ANKRD28: variants seen among roughly 807,000 people sequenced by gnomAD.
ANKRD28 encodes the protein ankyrin repeat domain 28, also known as serine/threonine-protein phosphatase 6 regulatory ankyrin repeat subunit A.
Under a neutral mutation model 126.5 loss-of-function variants are expected in ANKRD28, and 44 were observed. The ratio of observed to expected loss-of-function variants is 0.35; its 90% CI spans 0.27 to 0.45. The LOEUF (loss-of-function observed/expected upper bound fraction) is 0.45. Ranked by LOEUF, ANKRD28 falls within the 20% of genes least tolerant of loss-of-function variation. The pLI is 1.00. For synonymous variants in ANKRD28, 442 were observed against 468.5 expected, an observed-to-expected ratio of 0.94 and a Z score of 0.73; for missense variants, 1,110 against 1,316.6, an observed-to-expected ratio of 0.84 and a Z score of 2.43.
intron 14 of ANKRD28, among the ~76,000 whole-genome samples, chr3:15,705,817 A>ATGT (rs2071278745): frequency 6.6e-6 from 1 of 152,020 alleles, no homozygotes; most frequent in African/African-American, 2.4e-5. Flanking sequence ...CCTGGCCAAC[A>ATGT]TGGTGAATCT....
In ANKRD28 at chr3:15,833,268, A is replaced by T. The variant is rs2061244378; in HGVS notation, c.27+26109T>A. On this transcript the variant is annotated intron_variant, in intron 1 of 27. Coordinates refer to the ANKRD28 transcript ENST00000399451. The surrounding 1 kb of genome is among the most constrained non-coding windows in gnomAD (Gnocchi z 4.4). ...AGCTGTCAGCACAGCTGGAATATGA[A>T]GTAGGCAGAAAAACGTGAAAAGACT... is the stretch of plus-strand genomic sequence containing the variant. Among the ~76,000 whole-genome samples, 1 of 152,126 alleles carries T rather than the reference A, an allele frequency of 6.6e-6. No homozygotes were observed. The highest frequency in any genetic ancestry group is 1.5e-5 in the Non-Finnish European group (1 of 68,018).
At chr3:15,686,616 C>A (rs1359290204) in intron 18 of ANKRD28, among the ~76,000 whole-genome samples, 1 of 152,148 alleles carries the variant, frequency 6.6e-6, no homozygotes, top group African/African-American at 2.4e-5. Flanking sequence ...GGAAGAGTGC[C>A]TTGACTCCAG....
chr3:15,800,666 A>G (rs1476155927), upstream of ANKRD28, among the ~76,000 whole-genome samples: 1 of 152,068 alleles, frequency 6.6e-6, no homozygotes, highest in African/African-American at 2.4e-5. Flanking sequence ...ACAAGCACAT[A>G]CTAAGTGTTA....
At chr3:15,829,169 GTAT>G (rs2061134402) in intron 1 of ANKRD28, among the ~76,000 whole-genome samples, 1 of 151,984 alleles carries the variant, frequency 6.6e-6, no homozygotes, top group Admixed American at 6.6e-5. Context: ...TTGCTTAAAA[GTAT>G]TATTTTTAAT....
Position 15,812,848 on chromosome 3 carries a change from G to A in ANKRD28, c.28-17542C>T, listed in dbSNP as rs1405993193. Among the ~76,000 whole-genome samples, 1 of 152,042 alleles carries A rather than the reference G, an allele frequency of 6.6e-6. No homozygotes were observed. The highest frequency in any genetic ancestry group is 6.5e-5 in the Admixed American group (1 of 15,272). On this transcript the variant is annotated intron_variant, in intron 1 of 27. Coordinates refer to the ANKRD28 transcript ENST00000399451. This position sits in a 1 kb window ranked among gnomAD's most constrained non-coding sequence, Gnocchi z 4.1. ...ATCTAGACCCTCCTGAAAAGGCCAG[G>A]TAAAGATTCACAATCAGAGATTTCA...
intron 13 of ANKRD28, 66 bp downstream of exon 13, chr3:15,709,602 A>C (rs1366019830): frequency 1.8e-6 from 2 of 1,102,350 alleles, no homozygotes; most frequent in Admixed American, 4.9e-5. Flanking sequence ...TTCAGAAGCC[A>C]GTTAGAAGGT....
intron 1 of ANKRD28, among the ~76,000 whole-genome samples, chr3:15,829,663 A>G (rs1411139057): frequency 1.3e-5 from 2 of 152,196 alleles, no homozygotes; most frequent in East Asian, 1.9e-4. Context: ...ATCAAAAGTC[A>G]TATTTATTAA....
intron 2 of ANKRD28, among the ~76,000 whole-genome samples, chr3:15,791,461 A>G (rs942319929): frequency 6.6e-6 from 1 of 151,870 alleles, no homozygotes. Flanking sequence ...ACCAAATCCA[A>G]ACACCTACAG....
chr3:15,844,897 T>C (rs2061497995), intron 1 of ANKRD28, among the ~76,000 whole-genome samples: 1 of 152,202 alleles, frequency 6.6e-6, no homozygotes, highest in South Asian at 2.1e-4. Flanking sequence ...TTTAATTGGC[T>C]CACAGTTTGG....
chr3:15,743,578 A>ACACACG (rs1474471124), intron 4 of ANKRD28, among the ~76,000 whole-genome samples: 2 of 151,420 alleles, frequency 1.3e-5, no homozygotes, highest in Admixed American at 6.6e-5. Flanking sequence ...ACACACACAC[A>ACACACG]CACACACACA....
chr3:15,773,468 T>C (rs530483612), intron 2 of ANKRD28, among the ~76,000 whole-genome samples: 2 of 152,086 alleles, frequency 1.3e-5, no homozygotes, highest in African/African-American at 4.8e-5. Flanking sequence ...CTACTAAAAA[T>C]ACAAAAATTA....
chr3:15,683,165 T>C (rs1186684942), intron 21 of ANKRD28, among the ~76,000 whole-genome samples: 1 of 152,112 alleles, frequency 6.6e-6, no homozygotes, highest in Non-Finnish European at 1.5e-5. Context: ...ACTGTGTGAT[T>C]TTTCCAATGG....
Position 15,670,179 on chromosome 3 carries a change from G to A in ANKRD28, c.*91C>T. On this transcript the variant is annotated 3_prime_UTR_variant, in exon 28 of 28. Coordinates refer to ENST00000683139, the MANE Select transcript of ANKRD28 (RefSeq NM_001349278.2). ...GCTCACTGTGGGATCTTTCCTCTTAGGTTGAATTTCTACGTGAATATCAAA... is the reference window on the plus strand; with the variant it reads ...GCTCACTGTGGGATCTTTCCTCTTAAGTTGAATTTCTACGTGAATATCAAA... The A allele has an allele frequency of 7.2e-7, 1 of 1,391,746 alleles. No individual in the cohort carries two copies. Among genetic ancestry groups the A allele is most frequent in the Non-Finnish European group, 9.8e-7 (1 of 1,024,788 alleles). The allele number at this position is 1,391,746 out of a possible 1,614,324, so 86.2% of individuals were successfully genotyped here.
At chr3:15,722,542 TC>T (rs1399528386) in intron 7 of ANKRD28, among the ~76,000 whole-genome samples, 1 of 152,214 alleles carries the variant, frequency 6.6e-6, no homozygotes, top group Admixed American at 6.5e-5. Flanking sequence ...TGTGAGACTT[TC>T]TGGTGAATTA....
chr3:15,847,634 G>A (rs1247843333), intron 1 of ANKRD28, among the ~76,000 whole-genome samples: 3 of 152,162 alleles, frequency 2.0e-5, no homozygotes, highest in Admixed American at 6.5e-5. Flanking sequence ...AGTTACTGAA[G>A]AGTCATCCTT....
intron 1 of ANKRD28, among the ~76,000 whole-genome samples, chr3:15,840,786 G>C (rs1490211822): frequency 6.6e-6 from 1 of 152,198 alleles, no homozygotes; most frequent in Non-Finnish European, 1.5e-5. Flanking sequence ...ACACACATTA[G>C]GGAAAGGGTA....
At chr3:15,713,664 AG>A (rs1325807570) in intron 9 of ANKRD28, 23 bp from the exon 10 acceptor site, 1 of 1,509,020 alleles carries the variant, frequency 6.6e-7, no homozygotes, top group Admixed American at 1.9e-5. Context: ...ACTTACTGTC[AG>A]ACACTGGACC....
At chr3:15,778,707 T>C (rs1370707971) in intron 2 of ANKRD28, among the ~76,000 whole-genome samples, 3 of 152,198 alleles carry the variant, frequency 2.0e-5, no homozygotes, top group African/African-American at 4.8e-5. Flanking sequence ...ATAATCTCAC[T>C]TACCTAGAGT....
chr3:15,679,528 C>T lies in ANKRD28; in HGVS notation c.2425G>A (p.Glu809Lys). The change falls in exon 22 of 28, where the codon GAA becomes AAA. Residue 809 changes from glutamate to lysine, a missense_variant. By Grantham distance (56) the Glu-to-Lys change is moderately conservative. Transcript: ENST00000683139. ...ETCVELLLEQ[E>K]VFQKTEGNAF... is the part of the protein sequence containing the mutation. The stretch of plus-strand genomic sequence containing the variant: ...TTTCCTTCCGTTTTCTGGAAAACTT[C>T]CTGTTCTAAAAGCAGTTCTACACAT... The T allele has an allele frequency of 3.1e-6, 5 of 1,613,264 alleles. No individual in the cohort carries two copies. The highest frequency in any genetic ancestry group is 4.2e-6 in the Non-Finnish European group (5 of 1,179,566).
Sources: allele counts gnomAD v4.1 joint callset (sites outside exome capture counted in the v4.1 genomes callset), GRCh38; gene constraint gnomAD v4.1.1; non-coding constraint Gnocchi (gnomAD v3.1); transcripts MANE v1.5; gene names NCBI Gene and HGNC (gene_info 2026-07-23, HGNC 2026-07-21).